Variants in CACNA2D3 observed in about 807,000 individuals in gnomAD.
CACNA2D3 encodes voltage-dependent calcium channel subunit alpha-2/delta-3.
Under a neutral mutation model 160.6 loss-of-function variants are expected in CACNA2D3, and 60 were observed. The ratio of observed to expected loss-of-function variants is 0.37; its 90% CI spans 0.30 to 0.46. The LOEUF is 0.46. CACNA2D3 is among the 20% of genes least tolerant of loss of function. The pLI is 1.00. For synonymous variants in CACNA2D3, 558 were observed against 492.9 expected, an observed-to-expected ratio of 1.13 and a Z score of -1.75; for missense variants, 1,205 against 1,365.0, an observed-to-expected ratio of 0.88 and a Z score of 1.85.
intron 2 of CACNA2D3, among the ~76,000 whole-genome samples, chr3:54,290,993 C>A (rs1703186331): frequency 6.6e-6 from 1 of 152,132 alleles, no homozygotes; most frequent in South Asian, 2.1e-4. Flanking sequence ...ACCAACATGG[C>A]ACATGTATAC....
At chr3:55,019,448 T>C (rs1703399959) in intron 35 of CACNA2D3, among the ~76,000 whole-genome samples, 1 of 152,146 alleles carries the variant, frequency 6.6e-6, no homozygotes, top group South Asian at 2.1e-4. Flanking sequence ...TCTTTAGTTA[T>C]ATGCCTTTTC....
chr3:54,763,814 T>C lies in CACNA2D3; in HGVS notation c.1247-404T>C, dbSNP rs9758019. Among the ~76,000 whole-genome samples the C allele has an allele frequency of 9.4e-3, 48 of 5,080 alleles. 4 individuals are homozygous for C. The highest frequency in any genetic ancestry group is 0.03 in the South Asian group (4 of 132). The allele number at this position is 5,080 out of a possible 152,430, so 3.3% of individuals were successfully genotyped here. A position where few individuals can be genotyped will look rare whatever the true frequency, so the allele number is the denominator to read the frequency against. On this transcript the variant is annotated intron_variant, in intron 12 of 37. Coordinates refer to ENST00000474759, the MANE Select transcript of CACNA2D3 (RefSeq NM_018398.3). The stretch of plus-strand genomic sequence containing the variant: ...GTATATATATGTACATATATATACA[T>C]ATATATATACGTATATATATGTATA...
At chr3:54,193,333 C>T (rs1004591230) in intron 2 of CACNA2D3, among the ~76,000 whole-genome samples, 5 of 152,164 alleles carry the variant, frequency 3.3e-5, no homozygotes, top group African/African-American at 1.2e-4. Context: ...CAAAAGCAGG[C>T]AGAGGGCTTT....
At chr3:54,477,679 G>C (rs1700854201) in intron 4 of CACNA2D3, among the ~76,000 whole-genome samples, 1 of 152,164 alleles carries the variant, frequency 6.6e-6, no homozygotes, top group African/African-American at 2.4e-5. Context: ...CTGAATCTCT[G>C]CCTCCCTCTC....
chr3:54,573,653 C>G (rs542650593), intron 8 of CACNA2D3, among the ~76,000 whole-genome samples: 1 of 152,268 alleles, frequency 6.6e-6, no homozygotes, highest in East Asian at 1.9e-4. Context: ...TGAATAAAAT[C>G]TAGAAGTGAA....
At chr3:54,421,565 C>T (rs1383029695) in intron 4 of CACNA2D3, among the ~76,000 whole-genome samples, 13 of 152,098 alleles carry the variant, frequency 8.5e-5, no homozygotes, top group Admixed American at 6.5e-4. Flanking sequence ...TATACCCTTC[C>T]AGTGTGGCAG....
At chr3:55,070,815 A>G (rs909760384) in intron 35 of CACNA2D3, among the ~76,000 whole-genome samples, 2 of 152,164 alleles carry the variant, frequency 1.3e-5, no homozygotes, top group Non-Finnish European at 2.9e-5. Context: ...TTTAATTTTC[A>G]CTGTTTATAT....
At chr3:54,278,925 T>C (rs1702807842) in intron 2 of CACNA2D3, among the ~76,000 whole-genome samples, 1 of 152,188 alleles carries the variant, frequency 6.6e-6, no homozygotes, top group African/African-American at 2.4e-5. Flanking sequence ...ATGTCACGTG[T>C]ATACCTATGT....
chr3:54,156,502 A>T (rs1036026270), intron 2 of CACNA2D3, among the ~76,000 whole-genome samples: 1 of 152,120 alleles, frequency 6.6e-6, no homozygotes, highest in Admixed American at 6.5e-5. Context: ...CGTAGTGCCT[A>T]TTGGTCAGTC....
chr3:54,973,594 A>G (rs1170407382), intron 29 of CACNA2D3, among the ~76,000 whole-genome samples: 9 of 152,130 alleles, frequency 5.9e-5, no homozygotes, highest in Non-Finnish European at 1.3e-4. Flanking sequence ...TTGAATTATG[A>G]CAGGGCAACG....
chr3:55,054,293 A>G (rs1704309352), intron 35 of CACNA2D3, among the ~76,000 whole-genome samples: 1 of 151,584 alleles, frequency 6.6e-6, no homozygotes, highest in Admixed American at 6.6e-5. Flanking sequence ...ACTTGGTACT[A>G]TTTTACTGCT....
chr3:54,203,752 G>A (rs1364036327), intron 2 of CACNA2D3, among the ~76,000 whole-genome samples: 2 of 152,096 alleles, frequency 1.3e-5, no homozygotes, highest in Middle Eastern at 6.8e-3. Flanking sequence ...CTGTTCTGCC[G>A]ACGTGCTTCC....
intron 4 of CACNA2D3, among the ~76,000 whole-genome samples, chr3:54,443,467 T>C (rs2106799346): frequency 6.6e-6 from 1 of 152,302 alleles, no homozygotes; most frequent in East Asian, 1.9e-4. Flanking sequence ...CCATGTAAAA[T>C]TGCTCCTTGT....
rs9863977 is a variant in CACNA2D3, at chr3:54,296,573, C to A, written c.205-23869C>A. Among the ~76,000 whole-genome samples the A allele has an allele frequency of 7.7e-3, 1,180 of 152,286 alleles. 6 individuals carry two copies. Among genetic ancestry groups the A allele is most frequent in the African/African-American group, 0.017 (722 of 41,560 alleles). ...GCTCGCTTTTATTCACTGTGTTTTC[C>A]AATTGCTCACATTATCCTCTAATAA... On this transcript the variant is annotated intron_variant, in intron 2 of 37. Coordinates refer to ENST00000474759, the MANE Select transcript of CACNA2D3 (RefSeq NM_018398.3).
At chr3:54,681,316 C>T (rs1398258595) in intron 11 of CACNA2D3, among the ~76,000 whole-genome samples, 1 of 134,090 alleles carries the variant, frequency 7.5e-6, no homozygotes, top group African/African-American at 2.8e-5. Flanking sequence ...GCAGGCAGAT[C>T]ATTTGAGGTC....
rs1369909560 is a variant in CACNA2D3, at chr3:55,033,866, A to ATG, written c.2987+15550_2987+15551insGT. Among the ~76,000 whole-genome samples, 42 of 120,830 alleles carry ATG rather than the reference A, an allele frequency of 3.5e-4. 3 individuals are homozygous for ATG. The highest frequency in any genetic ancestry group is 1.1e-3 in the African/African-American group (36 of 32,476). The allele number at this position is 120,830 out of a possible 152,430, so 79.3% of individuals were successfully genotyped here. Reference sequence around the variant, plus strand: ...ATATTACATATTAAATATATTTAATATATAATATATATTACATATTAAGTA... The same window carrying ATG: ...ATATTACATATTAAATATATTTAATATGTATAATATATATTACATATTAAGTA... On this transcript the variant is annotated intron_variant, in intron 35 of 37. Transcript: ENST00000474759.
At chr3:54,653,304 C>G (rs904344588) in intron 11 of CACNA2D3, among the ~76,000 whole-genome samples, 2 of 152,224 alleles carry the variant, frequency 1.3e-5, no homozygotes, top group Non-Finnish European at 2.9e-5. Flanking sequence ...ACTGCTGTTT[C>G]ATTCCAGGGG....
intron 3 of CACNA2D3, among the ~76,000 whole-genome samples, chr3:54,380,559 A>C (rs1559465724): frequency 6.6e-6 from 1 of 152,020 alleles, no homozygotes; most frequent in African/African-American, 2.4e-5. Flanking sequence ...TAACACAGTG[A>C]AATCCTGTCT....
intron 2 of CACNA2D3, among the ~76,000 whole-genome samples, chr3:54,215,555 G>T (rs1023605877): frequency 6.6e-6 from 1 of 152,126 alleles, no homozygotes; most frequent in Admixed American, 6.5e-5. Flanking sequence ...GATCTAGCTT[G>T]TCTTTGTTCT....
Sources: gnomAD v4.1 joint callset for allele counts (sites outside exome capture counted in the v4.1 genomes callset) on GRCh38, gnomAD v4.1.1 for gene constraint, MANE v1.5 for transcripts, NCBI Gene and HGNC (gene_info 2026-07-23, HGNC 2026-07-21) for gene names.